Variants in SLC25A26 observed in about 807,000 individuals in gnomAD.
The protein encoded by SLC25A26 is mitochondrial S-adenosylmethionine carrier protein.
A neutral mutation model predicts 37.8 loss-of-function variants in SLC25A26; 36 were observed. That is an observed-to-expected ratio of 0.95 (90% CI 0.73 to 1.26). The LOEUF (loss-of-function observed/expected upper bound fraction) is 1.26. SLC25A26 is among the 50% of genes most tolerant of loss of function. SLC25A26 has a pLI of 0.00. For synonymous variants in SLC25A26, 129 were observed against 122.5 expected (o/e 1.05, Z -0.35); for missense variants, 390 against 331.1 (o/e 1.18, Z -1.38).
chr3:66,187,343 C>T (rs1311149708), intron 1 of SLC25A26, among the ~76,000 whole-genome samples: 1 of 152,102 alleles, frequency 6.6e-6, no homozygotes, highest in Non-Finnish European at 1.5e-5. Context: ...ACCCAGGCCT[C>T]ATCCAGAATT....
At chr3:66,374,040 C>T (rs892587007) in intron 9 of SLC25A26, among the ~76,000 whole-genome samples, 1 of 150,090 alleles carries the variant, frequency 6.7e-6, no homozygotes, top group Non-Finnish European at 1.5e-5. Flanking sequence ...TGCATAGCTA[C>T]TGTTGGCATA....
At chr3:66,153,213 T>A (rs1474797944) in intron 1 of SLC25A26, among the ~76,000 whole-genome samples, 1 of 152,104 alleles carries the variant, frequency 6.6e-6, no homozygotes, top group East Asian at 1.9e-4. Flanking sequence ...GTGCTAAACA[T>A]CTCATAATGC....
intron 7 of SLC25A26, among the ~76,000 whole-genome samples, chr3:66,368,167 G>T (rs2076866578): frequency 6.6e-6 from 1 of 152,204 alleles, no homozygotes; most frequent in African/African-American, 2.4e-5. Context: ...ACAAAAGCGA[G>T]AAGGAAAGTA....
intron 3 of SLC25A26, among the ~76,000 whole-genome samples, chr3:66,245,477 A>G (rs1265717163): frequency 6.6e-6 from 1 of 152,196 alleles, no homozygotes; most frequent in Non-Finnish European, 1.5e-5. Context: ...CATAATAGAA[A>G]TGGACAACAC....
intron 1 of SLC25A26, among the ~76,000 whole-genome samples, chr3:66,136,186 G>T (rs529635541): frequency 6.6e-6 from 1 of 152,280 alleles, no homozygotes; most frequent in African/African-American, 2.4e-5. Context: ...ATTTATTTCA[G>T]TGTTCCCATC....
At chr3:66,163,212 G>A (rs1212556431) in intron 1 of SLC25A26, among the ~76,000 whole-genome samples, 2 of 152,200 alleles carry the variant, frequency 1.3e-5, no homozygotes, top group East Asian at 3.9e-4. Flanking sequence ...GAAAACCCCA[G>A]TGACTTAAAA....
chr3:66,149,046 G>T (rs942008663), intron 1 of SLC25A26, among the ~76,000 whole-genome samples: 2 of 152,136 alleles, frequency 1.3e-5, no homozygotes, highest in Admixed American at 6.5e-5. Context: ...AAGAGCACCT[G>T]CTTCCTTTGC....
intron 5 of SLC25A26, among the ~76,000 whole-genome samples, chr3:66,286,334 A>C (rs750613051): frequency 6.6e-6 from 1 of 152,156 alleles, no homozygotes; most frequent in Non-Finnish European, 1.5e-5. Flanking sequence ...TATGTTTTAC[A>C]TTTACATCTA....
At chr3:66,155,288 T>A (rs1020456476) in intron 1 of SLC25A26, among the ~76,000 whole-genome samples, 6 of 152,124 alleles carry the variant, frequency 3.9e-5, no homozygotes, top group Non-Finnish European at 7.4e-5. Context: ...AGCAGGAGGA[T>A]CACTTGAGCC....
At chr3:66,301,599 G>T (rs2075077767) in intron 5 of SLC25A26, among the ~76,000 whole-genome samples, 1 of 152,178 alleles carries the variant, frequency 6.6e-6, no homozygotes, top group Non-Finnish European at 1.5e-5. Context: ...AGAGAGCAGG[G>T]GCTAACATTT....
intron 6 of SLC25A26, among the ~76,000 whole-genome samples, chr3:66,348,370 G>T (rs1204486253): frequency 6.6e-6 from 1 of 152,156 alleles, no homozygotes; most frequent in Non-Finnish European, 1.5e-5. Flanking sequence ...TTATGCATGC[G>T]TGCACACACA....
In SLC25A26 at chr3:66,193,559, A is replaced by G. The variant is rs923022905; in HGVS notation, c.-353-27183A>G. 5.9e-5 allele frequency among the ~76,000 whole-genome samples: 9 copies of G among 152,266 alleles called. 1 individual carries two copies. The highest frequency in any genetic ancestry group is 1.7e-4 in the African/African-American group (7 of 41,552). ...CCTTATCTGGGCTTGGCAGCTCACA[A>G]ATAAATAAATAAGCAATTATTTATG... On this transcript the variant is annotated intron_variant, in intron 1 of 10. Transcript: ENST00000676754.
chr3:66,275,827 A>G (rs893438781), intron 5 of SLC25A26, among the ~76,000 whole-genome samples: 8 of 152,086 alleles, frequency 5.3e-5, no homozygotes, highest in African/African-American at 1.9e-4. Flanking sequence ...TTTTGAAGTG[A>G]CACATGAAAA....
At chr3:66,243,371 C>A in intron 3 of SLC25A26, 59 bp downstream of exon 3, 2 of 796,616 alleles carry the variant, frequency 2.5e-6, no homozygotes, top group Non-Finnish European at 4.2e-6. Flanking sequence ...CATATATTTT[C>A]AGTACATATT....
intron 1 of SLC25A26, among the ~76,000 whole-genome samples, chr3:66,134,246 GC>G (rs2106649880): frequency 1.3e-5 from 2 of 152,234 alleles, no homozygotes; most frequent in South Asian, 4.1e-4. Context: ...AATAATAACT[GC>G]CCTTATTTTG....
At chr3:66,249,201 A>C (rs951040234) in intron 3 of SLC25A26, among the ~76,000 whole-genome samples, 1 of 152,356 alleles carries the variant, frequency 6.6e-6, no homozygotes, top group East Asian at 1.9e-4. Flanking sequence ...ATTTGGATTT[A>C]ACTGGAGTTA....
chr3:66,333,167 A>G lies in SLC25A26; in HGVS notation c.454-13197A>G, dbSNP rs929728326. Among the ~76,000 whole-genome samples the G allele has an allele frequency of 2.0e-5, 3 of 152,194 alleles. No individual in the cohort carries two copies. The East Asian group carries it at 5.8e-4, about 29-fold the overall frequency. On this transcript the variant is annotated intron_variant, in intron 5 of 9. Coordinates refer to ENST00000354883, the MANE Select transcript of SLC25A26 (RefSeq NM_001379210.1). ...GGATGTGTCAAGATCTGTGTGTAGA[A>G]TAACATGAGCTCTTTTAATCGGCAG... is the stretch of plus-strand genomic sequence containing the variant.
intron 9 of SLC25A26, among the ~76,000 whole-genome samples, chr3:66,373,235 A>G (rs532668291): frequency 1.3e-5 from 2 of 152,232 alleles, no homozygotes; most frequent in East Asian, 3.9e-4. Context: ...CTGGCATTGT[A>G]AGTGCTTACG....
intron 5 of SLC25A26, among the ~76,000 whole-genome samples, chr3:66,268,678 C>T (rs747891511): frequency 6.6e-6 from 1 of 152,140 alleles, no homozygotes; most frequent in African/African-American, 2.4e-5. Flanking sequence ...GTGAAGGACA[C>T]CTGATATGGT....
Sources: allele counts gnomAD v4.1 joint callset (sites outside exome capture counted in the v4.1 genomes callset), GRCh38; gene constraint gnomAD v4.1.1; transcripts MANE v1.5; gene names NCBI Gene and HGNC (gene_info 2026-07-23, HGNC 2026-07-21).